MAML2: variants seen among roughly 807,000 people sequenced by gnomAD.
MAML2 encodes mastermind-like protein 2.
Under a neutral mutation model 96.1 loss-of-function variants are expected in MAML2, and 22 were observed. The observed-to-expected ratio is 0.23, with a 90% confidence interval of 0.16 to 0.33. The LOEUF is 0.33. MAML2 is among the 10% of genes least tolerant of loss of function. The pLI is 1.00. For synonymous variants in MAML2, 561 were observed against 521.3 expected (o/e 1.08, Z -1.04); for missense variants, 1,367 against 1,392.4 (o/e 0.98, Z 0.29).
chr11:96,027,778 C>G (rs1189655124), intron 2 of MAML2, among the ~76,000 whole-genome samples: 1 of 152,190 alleles, frequency 6.6e-6, no homozygotes, highest in African/African-American at 2.4e-5. Context: ...GCCACTCAGG[C>G]TGGAGTGCAG....
intron 1 of MAML2, among the ~76,000 whole-genome samples, chr11:96,103,064 A>G (rs1859960601): frequency 6.6e-6 from 1 of 152,190 alleles, no homozygotes; most frequent in African/African-American, 2.4e-5. Flanking sequence ...CTTTCTCTAA[A>G]GGGCATACCT....
At chr11:96,147,770 C>A (rs1860842831) in intron 1 of MAML2, among the ~76,000 whole-genome samples, 1 of 152,208 alleles carries the variant, frequency 6.6e-6, no homozygotes, top group Non-Finnish European at 1.5e-5. Context: ...GTTTTTTACA[C>A]TCCAGTATGA....
chr11:96,321,464 A>T (rs766544380), intron 1 of MAML2, among the ~76,000 whole-genome samples: 13 of 152,242 alleles, frequency 8.5e-5, no homozygotes, highest in Non-Finnish European at 1.6e-4. Flanking sequence ...GACAAAAGAA[A>T]TAGACATATT....
At chr11:96,049,111 C>A (rs546010046) in intron 2 of MAML2, among the ~76,000 whole-genome samples, 1 of 152,270 alleles carries the variant, frequency 6.6e-6, no homozygotes, top group East Asian at 1.9e-4. Flanking sequence ...TGTTACTTAG[C>A]AGGTCTTCAA....
chr11:95,984,624 T>C (rs1857797466), intron 4 of MAML2, among the ~76,000 whole-genome samples: 1 of 152,102 alleles, frequency 6.6e-6, no homozygotes, highest in South Asian at 2.1e-4. Context: ...CAACCTGTTG[T>C]ATTTGAGGGG....
At chr11:96,103,474 G>C (rs1859968549) in intron 1 of MAML2, among the ~76,000 whole-genome samples, 1 of 152,192 alleles carries the variant, frequency 6.6e-6, no homozygotes, top group African/African-American at 2.4e-5. Context: ...ATCCCATATG[G>C]CAGGGAGAGT....
rs554097336 is a variant in MAML2, at chr11:96,339,679, T to A, written c.513+1704A>T. On this transcript the variant is annotated intron_variant, in intron 1 of 4. Transcript: ENST00000524717. ...CACAAAGCCGCATTATTGGGAGACT[T>A]GCAGACAGATTATAAATTTACTGGG... Among the ~76,000 whole-genome samples, 3 of 152,350 alleles carry A rather than the reference T, an allele frequency of 2.0e-5. No individual in the cohort carries two copies. The East Asian group carries it at 5.8e-4, about 29-fold the overall frequency.
At chr11:96,109,457 G>T (rs1470819321) in intron 1 of MAML2, among the ~76,000 whole-genome samples, 3 of 152,204 alleles carry the variant, frequency 2.0e-5, no homozygotes, top group African/African-American at 4.8e-5. Flanking sequence ...GAAGATGGAT[G>T]AGGTGTCAGC....
chr11:96,224,192 C>A (rs1041971772), intron 1 of MAML2, among the ~76,000 whole-genome samples: 1 of 152,132 alleles, frequency 6.6e-6, no homozygotes, highest in Non-Finnish European at 1.5e-5. Context: ...ATGTAAATTA[C>A]TTAGTAGATA....
chr11:96,173,861 G>T (rs1565237590), intron 1 of MAML2, among the ~76,000 whole-genome samples: 1 of 152,178 alleles, frequency 6.6e-6, no homozygotes, highest in Non-Finnish European at 1.5e-5. Context: ...GGAGGCAAAA[G>T]ATATGTACTA....
At chr11:96,063,958 A>G (rs1310498267) in intron 2 of MAML2, among the ~76,000 whole-genome samples, 1 of 152,170 alleles carries the variant, frequency 6.6e-6, no homozygotes, top group Non-Finnish European at 1.5e-5. Flanking sequence ...TAGAAGTGAG[A>G]TGAGTTCATG....
intron 1 of MAML2, among the ~76,000 whole-genome samples, chr11:96,193,906 T>G (rs1861693880): frequency 6.6e-6 from 1 of 152,228 alleles, no homozygotes; most frequent in African/African-American, 2.4e-5. Context: ...CTTTTCTTTG[T>G]TCCTTTTTAC....
Position 96,157,546 on chromosome 11 carries a change from A to G in MAML2, c.514-64029T>C, listed in dbSNP as rs148637320. 2.8e-3 allele frequency among the ~76,000 whole-genome samples: 428 copies of G among 152,382 alleles called. 4 individuals carry two copies. Among genetic ancestry groups the G allele is most frequent in the African/African-American group, 9.5e-3 (395 of 41,594 alleles). On this transcript the variant is annotated intron_variant, in intron 1 of 4. Transcript: ENST00000524717. Reference sequence around the variant, plus strand: ...CCATTCTTGTCAGTTCACTGGCAAGAATAACATGCTCATGGAGTATGCATG... The same window carrying G: ...CCATTCTTGTCAGTTCACTGGCAAGGATAACATGCTCATGGAGTATGCATG...
intron 1 of MAML2, among the ~76,000 whole-genome samples, chr11:96,146,315 A>G (rs758107656): frequency 6.6e-6 from 1 of 152,216 alleles, no homozygotes; most frequent in Non-Finnish European, 1.5e-5. Context: ...AGGTTTTGAC[A>G]AGAGAAAATG....
At chr11:96,103,139 CT>C (rs1355018092) in intron 1 of MAML2, among the ~76,000 whole-genome samples, 2 of 152,100 alleles carry the variant, frequency 1.3e-5, no homozygotes, top group African/African-American at 4.8e-5. Context: ...CACTTTCTGT[CT>C]TATATTGTTC....
intron 1 of MAML2, among the ~76,000 whole-genome samples, chr11:96,308,181 G>A (rs889662967): frequency 2.0e-5 from 3 of 152,022 alleles, no homozygotes; most frequent in African/African-American, 7.2e-5. Flanking sequence ...GGGCAGTGGT[G>A]GTGGGGCATT....
chr11:96,091,853 T>C (rs1347815993), intron 2 of MAML2, 39 bp downstream of exon 2: 2 of 1,584,730 alleles, frequency 1.3e-6, no homozygotes, highest in South Asian at 2.4e-5. Context: ...AGCTAAATGG[T>C]CTCTGGGAAC....
chr11:96,034,309 A>G (rs1225434287), intron 2 of MAML2, among the ~76,000 whole-genome samples: 1 of 152,142 alleles, frequency 6.6e-6, no homozygotes, highest in Non-Finnish European at 1.5e-5. Context: ...ACTAACAACC[A>G]ATCCAGGAAG....
At chr11:96,243,655 C>CTT (rs11394033) in intron 1 of MAML2, among the ~76,000 whole-genome samples, 12,429 of 135,624 alleles carry the variant, frequency 0.092, 741 homozygotes, top group Middle Eastern at 0.16. Context: ...CCTTCTTTTT[C>CTT]TTTTTTTTTT....
Sources: allele counts gnomAD v4.1 joint callset (sites outside exome capture counted in the v4.1 genomes callset), GRCh38; gene constraint gnomAD v4.1.1; transcripts MANE v1.5; gene names NCBI Gene and HGNC (gene_info 2026-07-23, HGNC 2026-07-21).